SASH1: variants seen among roughly 807,000 people sequenced by gnomAD.
SASH1 encodes SAM and SH3 domain-containing protein 1.
SASH1 carries 44 observed loss-of-function variants against 125.2 expected under a neutral mutation model. The ratio of observed to expected loss-of-function variants is 0.35; its 90% CI spans 0.28 to 0.45. The LOEUF is 0.45. Among genes scored for constraint, SASH1 ranks in the 20% least tolerant of loss-of-function variants. The pLI is 1.00. For synonymous variants in SASH1, 639 were observed against 649.1 expected, an observed-to-expected ratio of 0.98 and a Z score of 0.24; for missense variants, 1,426 against 1,614.5, an observed-to-expected ratio of 0.88 and a Z score of 2.00.
intron 7 of SASH1, among the ~76,000 whole-genome samples, chr6:148,484,043 T>A (rs1374697855): frequency 6.6e-6 from 1 of 151,760 alleles, no homozygotes; most frequent in Non-Finnish European, 1.5e-5. Context: ...TCCTGGAGAA[T>A]GTTTGATTGT....
intron 2 of SASH1, among the ~76,000 whole-genome samples, chr6:148,433,602 C>A (rs1190510260): frequency 1.3e-5 from 2 of 151,822 alleles, no homozygotes; most frequent in Non-Finnish European, 2.9e-5. Context: ...GACAGGGTTT[C>A]AGTATGTTGG....
In SASH1 at chr6:148,544,665, C is replaced by G. The variant is rs758923254; in HGVS notation, c.3195C>G (p.Pro1065=). The change falls in exon 18 of 20, where the codon CCC becomes CCG. Residue 1065 remains proline, a synonymous_variant. Transcript: ENST00000367467. This position sits in a 1 kb window ranked among gnomAD's most constrained non-coding sequence, Gnocchi z 6.4. Reference sequence around the variant, plus strand: ...CGCCCCCCTGGCTCTCAGAGCTCCCCGAGAACACAAGCCTCCAGGAGCACG... The same window carrying G: ...CGCCCCCCTGGCTCTCAGAGCTCCCGGAGAACACAAGCCTCCAGGAGCACG... ...TRPPPWLSEL[P]ENTSLQEHGV... is the part of the protein sequence containing the mutation. The G allele has an allele frequency of 6.2e-7, 1 of 1,613,298 alleles. No homozygotes were observed. The highest frequency in any genetic ancestry group is 8.5e-7 in the Non-Finnish European group (1 of 1,179,708).
chr6:148,205,248 T>A, the SASH1 span, among the ~76,000 whole-genome samples: 1 of 152,100 alleles, frequency 6.6e-6, no homozygotes, highest in African/African-American at 2.4e-5. Context: ...CTTTAACCAC[T>A]CTCCTTCGAC....
intron 1 of SASH1, among the ~76,000 whole-genome samples, chr6:148,286,124 C>G (rs1051632637): frequency 1.3e-5 from 2 of 151,996 alleles, no homozygotes; most frequent in African/African-American, 4.8e-5. Flanking sequence ...TTGAGATCTC[C>G]CTGAAGCTGA....
chr6:148,209,627 C>T, the SASH1 span, among the ~76,000 whole-genome samples: 2 of 152,122 alleles, frequency 1.3e-5, no homozygotes, highest in African/African-American at 2.4e-5. Flanking sequence ...AAGCATCTTA[C>T]CTCTCTATAT....
At chr6:148,214,307 C>T in the SASH1 span, among the ~76,000 whole-genome samples, 49 of 152,236 alleles carry the variant, frequency 3.2e-4, no homozygotes, top group African/African-American at 1.1e-3. Context: ...CCCCTCATTT[C>T]GCACATGTTA....
chr6:148,240,147 C>T, the SASH1 span: 1 of 143,962 alleles, frequency 6.9e-6, no homozygotes, highest in African/African-American at 2.6e-5. Context: ...AAGAACATTT[C>T]TGTTGTTTTG....
At chr6:148,272,616 T>C (rs1245540736) in intron 1 of SASH1, among the ~76,000 whole-genome samples, 2 of 152,174 alleles carry the variant, frequency 1.3e-5, no homozygotes, top group East Asian at 3.9e-4. Context: ...TTATATAAGA[T>C]ATATTTATAT....
At chr6:148,365,834 C>T (rs1356224324) in intron 1 of SASH1, among the ~76,000 whole-genome samples, 4 of 151,838 alleles carry the variant, frequency 2.6e-5, no homozygotes, top group Non-Finnish European at 4.4e-5. Context: ...AAAAATTAGC[C>T]GGGCAGGGTA....
chr6:148,361,952 C>T (rs1231826777), intron 1 of SASH1, among the ~76,000 whole-genome samples: 57 of 138,320 alleles, frequency 4.1e-4, no homozygotes, highest in Middle Eastern at 8.1e-3. Context: ...CTCACTCTGT[C>T]GCCCAGGCTG....
intron 1 of SASH1, among the ~76,000 whole-genome samples, chr6:148,380,596 C>T (rs1159559291): frequency 1.3e-5 from 2 of 152,190 alleles, no homozygotes; most frequent in African/African-American, 2.4e-5. Flanking sequence ...AAAATGAGTT[C>T]AGTCTAAAAC....
At chr6:148,297,021 A>T (rs1372248004) in intron 1 of SASH1, among the ~76,000 whole-genome samples, 2 of 152,210 alleles carry the variant, frequency 1.3e-5, no homozygotes, top group African/African-American at 4.8e-5. Flanking sequence ...AGGGAAGAGA[A>T]TCTCTTTACT....
At chr6:148,363,294 C>T (rs976790953) in intron 1 of SASH1, among the ~76,000 whole-genome samples, 12 of 152,108 alleles carry the variant, frequency 7.9e-5, no homozygotes, top group Admixed American at 2.6e-4. Context: ...TGAGGCTCTT[C>T]TTTATTTTTT....
intron 2 of SASH1, among the ~76,000 whole-genome samples, chr6:148,421,421 G>A (rs1043635982): frequency 2.6e-5 from 4 of 151,968 alleles, no homozygotes; most frequent in African/African-American, 4.8e-5. Context: ...CTCCTGCCTC[G>A]GCCTCCCAAG....
intron 16 of SASH1, among the ~76,000 whole-genome samples, chr6:148,537,081 T>C (rs1469254222): frequency 6.6e-6 from 1 of 152,216 alleles, no homozygotes; most frequent in Non-Finnish European, 1.5e-5. Context: ...TCATCGTGGC[T>C]AAGAAGTAGT....
intron 8 of SASH1, chr6:148,508,815 G>GC: frequency 1.5e-6 from 1 of 676,548 alleles, no homozygotes; most frequent in Non-Finnish European, 2.3e-6. Flanking sequence ...CGAGTGGGGA[G>GC]GGGGGTGGGA....
intron 5 of SASH1, 80 bp downstream of exon 5, chr6:148,468,665 C>A: frequency 1.1e-6 from 1 of 883,068 alleles, no homozygotes; most frequent in Non-Finnish European, 1.8e-6. Context: ...AAATACAAAA[C>A]CCACAAGAAT....
At chr6:148,415,880 C>T (rs955048264) in intron 2 of SASH1, among the ~76,000 whole-genome samples, 3 of 152,208 alleles carry the variant, frequency 2.0e-5, no homozygotes, top group South Asian at 2.1e-4. Flanking sequence ...CAAGAGGAAG[C>T]TCTTTTAAAG....
At chr6:148,454,539 G>A (rs1777247714) in intron 4 of SASH1, among the ~76,000 whole-genome samples, 2 of 152,184 alleles carry the variant, frequency 1.3e-5, no homozygotes, top group South Asian at 4.1e-4. Context: ...AAGCAGAGAG[G>A]AAGGAAGTTC....
Sources: gnomAD v4.1 joint callset for allele counts (sites outside exome capture counted in the v4.1 genomes callset) on GRCh38, gnomAD v4.1.1 for gene constraint, Gnocchi (gnomAD v3.1) non-coding constraint, MANE v1.5 for transcripts, NCBI Gene and HGNC (gene_info 2026-07-23, HGNC 2026-07-21) for gene names.